The following CUL4B variants were observed in gnomAD, a reference collection of about 807,000 sequenced individuals.
CUL4B encodes cullin 4B, also known as cullin-4B.
In CUL4B, 1 loss-of-function variant was observed where a neutral mutation model predicts 69.2. That is an observed-to-expected ratio of 0.01 (90% confidence interval 0.01 to 0.07). The LOEUF is 0.07. Among genes scored for constraint, CUL4B ranks in the 10% least tolerant of loss-of-function variants. The probability of loss-of-function intolerance (pLI) is 1.00; values close to 1 mark genes in which losing one functional copy is unlikely to be tolerated. For synonymous variants in CUL4B, 237 were observed against 223.2 expected (o/e 1.06, Z -0.55); for missense variants, 328 against 638.8 (o/e 0.51, Z 5.24).
intron 1 of CUL4B, 104 bp from the exon 2 acceptor site, chrX:120,558,143 C>A (rs1925088660): frequency 2.0e-6 from 1 of 510,158 alleles, no homozygotes; most frequent in African/African-American, 2.3e-5. Flanking sequence ...AAATTGTGAT[C>A]TTTATAACTA....
At chrX:120,574,065 G>T (rs1038472025) in intron 2 of CUL4B, among the ~76,000 whole-genome samples, 5 of 109,450 alleles carry the variant, frequency 4.6e-5, no homozygotes, top group Admixed American at 9.8e-5. Context: ...GACCTCAGGT[G>T]ATCCTCCCCG....
At chrX:120,541,145 T>C (rs1032820215) in intron 10 of CUL4B, among the ~76,000 whole-genome samples, 1 of 112,588 alleles carries the variant, frequency 8.9e-6, no homozygotes, top group Non-Finnish European at 1.9e-5. Flanking sequence ...GCTACCATTC[T>C]CAGGTTGACT....
intron 19 of CUL4B, among the ~76,000 whole-genome samples, chrX:120,528,874 T>C (rs1490705087): frequency 8.9e-6 from 1 of 112,264 alleles, no homozygotes; most frequent in Non-Finnish European, 1.9e-5. Flanking sequence ...CATGATTGCA[T>C]TCTAAGCTCC....
intron 2 of CUL4B, among the ~76,000 whole-genome samples, chrX:120,552,555 T>C (rs1225330706): frequency 8.9e-6 from 1 of 111,957 alleles, no homozygotes; most frequent in African/African-American, 3.2e-5. Flanking sequence ...AATACAGGCA[T>C]TCTAGCAAGC....
intron 2 of CUL4B, 110 bp downstream of exon 2, chrX:120,557,814 T>A (rs911649077): frequency 4.9e-5 from 23 of 470,832 alleles, no homozygotes; most frequent in Non-Finnish European, 8.3e-5. Context: ...GAAACTAAAA[T>A]TAGAAGGGAA....
rs915766423 is a variant in CUL4B, at chrX:120,524,738, A to G, written c.*2023T>C. 1 of 111,880 alleles carries G rather than the reference A, an allele frequency of 8.9e-6. No individual in the cohort carries two copies. The highest frequency in any genetic ancestry group is 3.3e-5 in the African/African-American group (1 of 30,679). The allele number at this position is 111,880 out of a possible 1,213,427, so 9.2% of individuals were successfully genotyped here. A position where few individuals can be genotyped will look rare whatever the true frequency, so the allele number is the denominator to read the frequency against. ...CAATTATCCAATGTAGTTTGCAATT[A>G]CTTTTCAGTTTCTTAAACAGCTCCC... On this transcript the variant is annotated 3_prime_UTR_variant, in exon 20 of 20. Transcript: ENST00000371322.
At chrX:120,569,228 C>T (rs907324427), downstream of CUL4B, among the ~76,000 whole-genome samples, 16 of 111,731 alleles carry the variant, frequency 1.4e-4, no homozygotes, top group African/African-American at 4.9e-4. Flanking sequence ...GGAACCCTGC[C>T]GGCAGACCCA....
intron 1 of CUL4B, chrX:120,574,703 G>T: frequency 1.2e-6 from 1 of 825,587 alleles, no homozygotes; most frequent in South Asian, 2.1e-5. Context: ...TGAATTCATT[G>T]ACTCTGGTTT....
At chrX:120,553,745 T>TAAACA (rs1196286162) in intron 2 of CUL4B, among the ~76,000 whole-genome samples, 5 of 111,096 alleles carry the variant, frequency 4.5e-5, no homozygotes, top group South Asian at 3.8e-4. Flanking sequence ...TATCTCTATT[T>TAAACA]AAACAAAACA....
rs1922895137 is a variant in CUL4B at position 120,525,093 on chromosome X, C to T, written c.*1668G>A. 1 of 112,119 alleles carries T rather than the reference C, an allele frequency of 8.9e-6. No individual in the cohort carries two copies. The highest frequency in any genetic ancestry group is 3.7e-4 in the South Asian group (1 of 2,715). 9.2% of individuals were successfully genotyped at this position (112,119 alleles called of 1,213,427 possible). On this transcript the variant is annotated 3_prime_UTR_variant, in exon 20 of 20. Coordinates refer to ENST00000371322, the MANE Select transcript of CUL4B (RefSeq NM_001079872.2). ...CAGTGAGGAGCTGAGAAAATATAGG[C>T]AATGGCTGCTCAATAAGAATTACAA...
exon 3 of CUL4B, chrX:120,571,318 A>T (rs753851960): frequency 4.5e-5 from 5 of 111,888 alleles, no homozygotes; most frequent in African/African-American, 1.6e-4. Context: ...TTTTAAAAAA[A>T]GTTTCAAGAC....
At chrX:120,561,783 T>C (rs1272791376), upstream of CUL4B, among the ~76,000 whole-genome samples, 1 of 110,548 alleles carries the variant, frequency 9.0e-6, no homozygotes, top group Non-Finnish European at 1.9e-5. Flanking sequence ...GAAAACATAA[T>C]CATGCCATTA....
At chrX:120,546,149 T>C (rs1419840161) in intron 4 of CUL4B, among the ~76,000 whole-genome samples, 2 of 111,308 alleles carry the variant, frequency 1.8e-5, no homozygotes, top group Non-Finnish European at 3.8e-5. Context: ...CATTCTGAAA[T>C]GCAGGTTTAC....
chrX:120,535,704 CAAAAAAAAAA>C (rs71820203), intron 16 of CUL4B, 116 bp downstream of exon 16: 37 of 189,749 alleles, frequency 1.9e-4, no homozygotes, highest in Non-Finnish European at 3.0e-4. Flanking sequence ...GACTCTGTCT[CAAAAAAAAAA>C]AAAAAAAAAA....
chrX:120,544,211 G>A lies in CUL4B; in HGVS notation c.1084-8C>T, dbSNP rs1602579291. On this transcript the variant is annotated splice_polypyrimidine_tract_variant and splice_region_variant and intron_variant, in intron 6 of 19. Coordinates refer to ENST00000371322, the MANE Select transcript of CUL4B (RefSeq NM_001079872.2). ...AAAAGAATCTTGATAAATCTGGAGG[G>A]GGAACAAAATGAAGGAGATCATTTA... The A allele has an allele frequency of 8.8e-7, 1 of 1,134,009 alleles. No individual in the cohort carries two copies. The highest frequency in any genetic ancestry group is 2.2e-5 in the Admixed American group (1 of 45,796). 93.5% of individuals were successfully genotyped at this position (1,134,009 alleles called of 1,213,427 possible). A position where few individuals can be genotyped will look rare whatever the true frequency, so the allele number is the denominator to read the frequency against.
Position 120,558,043 on chromosome X carries a change from G to C in CUL4B, c.557-4C>G, listed in dbSNP as rs1182794558. ...TTTTCTGGTAATTTAGGCTTATCTA[G>C]ATGATATGTAAAAGGTTGGCATCAG... On this transcript the variant is annotated splice_polypyrimidine_tract_variant and splice_region_variant and intron_variant, in intron 1 of 19. Transcript: ENST00000371322. The C allele has an allele frequency of 8.9e-7, 1 of 1,120,816 alleles. No individual in the cohort carries two copies. The highest frequency in any genetic ancestry group is 1.8e-5 in the African/African-American group (1 of 56,083). The allele number at this position is 1,120,816 out of a possible 1,213,427, so 92.4% of individuals were successfully genotyped here. A position where few individuals can be genotyped will look rare whatever the true frequency, so the allele number is the denominator to read the frequency against.
intron 15 of CUL4B, 21 bp downstream of exon 15, chrX:120,536,906 G>C (rs781494616): frequency 9.5e-7 from 1 of 1,051,555 alleles, no homozygotes; most frequent in Non-Finnish European, 1.3e-6. Context: ...CTATAACTCA[G>C]TTCTAAACAG....
chrX:120,563,040 T>A (rs1362482276), upstream of CUL4B, among the ~76,000 whole-genome samples: 3 of 112,151 alleles, frequency 2.7e-5, no homozygotes, highest in African/African-American at 9.7e-5. Flanking sequence ...CACTTGTTTT[T>A]GTGTCTTGAA....
At chrX:120,549,311 T>C (rs1248942896) in intron 2 of CUL4B, among the ~76,000 whole-genome samples, 2 of 112,014 alleles carry the variant, frequency 1.8e-5, no homozygotes, top group African/African-American at 6.5e-5. Flanking sequence ...CCCAGCACTT[T>C]GGGAGGCCGA....
Sources: allele counts gnomAD v4.1 joint callset (sites outside exome capture counted in the v4.1 genomes callset), GRCh38; gene constraint gnomAD v4.1.1; transcripts MANE v1.5; gene names NCBI Gene and HGNC (gene_info 2026-07-23, HGNC 2026-07-21).